NELL1: variants seen among roughly 807,000 people sequenced by gnomAD.
NELL1 encodes the protein protein kinase C-binding protein NELL1.
A neutral mutation model predicts 107.4 loss-of-function variants in NELL1; 76 were observed. The ratio of observed to expected loss-of-function variants is 0.71; its 90% CI spans 0.59 to 0.86. The LOEUF (loss-of-function observed/expected upper bound fraction) is 0.86. Ranked by LOEUF, NELL1 falls within the 40% of genes least tolerant of loss-of-function variation. The pLI is 0.00. For missense variants in NELL1, 1,024 were observed against 1,005.5 expected (o/e 1.02, Z -0.25); for synonymous variants, 353 against 341.2 (o/e 1.03, Z -0.38).
chr11:21,047,648 T>C (rs1853388744), intron 12 of NELL1, among the ~76,000 whole-genome samples: 5 of 152,224 alleles, frequency 3.3e-5, no homozygotes. Context: ...TGGAGCTATC[T>C]TTCTGATTCT....
Position 20,841,794 on chromosome 11 carries a change from G to A in NELL1, c.336-5789G>A, listed in dbSNP as rs536101994. Reference sequence around the variant, plus strand: ...CTTTTGAGGAATCCTAGGGCTTTGCGGATCAGATATAATTAGTTTATTTAA... The same window carrying A: ...CTTTTGAGGAATCCTAGGGCTTTGCAGATCAGATATAATTAGTTTATTTAA... On this transcript the variant is annotated intron_variant, in intron 3 of 19. Transcript: ENST00000357134. Among the ~76,000 whole-genome samples, 35 of 152,118 alleles carry A rather than the reference G, an allele frequency of 2.3e-4. No individual in the cohort carries two copies. In the South Asian group the frequency reaches 6.9e-3, roughly 30 times the overall value.
At chr11:21,491,610 A>ATAG (rs1854816818) in intron 15 of NELL1, among the ~76,000 whole-genome samples, 1 of 152,082 alleles carries the variant, frequency 6.6e-6, no homozygotes, top group Admixed American at 6.6e-5. Flanking sequence ...GCTTTGTAGT[A>ATAG]TAGTTTGAAG....
intron 14 of NELL1, among the ~76,000 whole-genome samples, chr11:21,350,016 A>C (rs1850769663): frequency 6.6e-6 from 1 of 152,276 alleles, no homozygotes; most frequent in South Asian, 2.1e-4. Context: ...AATTTTTAAA[A>C]ATCTGATAGA....
At chr11:21,246,266 G>C (rs541027565) in intron 14 of NELL1, among the ~76,000 whole-genome samples, 27 of 152,282 alleles carry the variant, frequency 1.8e-4, no homozygotes, top group Middle Eastern at 3.4e-3. Context: ...AAGGATGTCT[G>C]AGGCAATCAG....
Position 20,928,412 on chromosome 11 carries a change from C to G in NELL1, c.930C>G (p.Pro310=), listed in dbSNP as rs1850546640. ...TGGAATGCCGAAGGATGTCCTGTCCCCCTCTCAATTGCTCCCCAGACTCCC... is the reference window on the plus strand; with the variant it reads ...TGGAATGCCGAAGGATGTCCTGTCCGCCTCTCAATTGCTCCCCAGACTCCC... ...GAVECRRMSC[P]PLNCSPDSLP... is the part of the protein sequence containing the mutation. The change falls in exon 9 of 20, where the codon CCC becomes CCG. Residue 310 remains proline (P), a synonymous_variant. Coordinates refer to ENST00000357134, the MANE Select transcript of NELL1 (RefSeq NM_006157.5). The G allele has an allele frequency of 1.2e-6, 2 of 1,614,048 alleles. No homozygotes were observed. The highest frequency in any genetic ancestry group is 1.7e-6 in the Non-Finnish European group (2 of 1,179,968).
intron 3 of NELL1, among the ~76,000 whole-genome samples, chr11:20,828,842 G>C (rs1857941089): frequency 6.6e-6 from 1 of 152,160 alleles, no homozygotes; most frequent in African/African-American, 2.4e-5. Flanking sequence ...TGGGTGAATG[G>C]ATGGCTTCTG....
At chr11:21,259,901 A>T (rs1858862332) in intron 14 of NELL1, among the ~76,000 whole-genome samples, 1 of 151,926 alleles carries the variant, frequency 6.6e-6, no homozygotes, top group Non-Finnish European at 1.5e-5. Context: ...GAGTAGGGTC[A>T]TATGTGAGCA....
chr11:21,290,837 A>T (rs1039980992), intron 14 of NELL1, among the ~76,000 whole-genome samples: 3 of 152,208 alleles, frequency 2.0e-5, no homozygotes, highest in African/African-American at 7.2e-5. Flanking sequence ...CCATCCGAAG[A>T]TCACCAACAT....
At chr11:20,744,793 C>G (rs1274801768) in intron 2 of NELL1, among the ~76,000 whole-genome samples, 1 of 152,160 alleles carries the variant, frequency 6.6e-6, no homozygotes. Flanking sequence ...TATGTTCTGT[C>G]CACAGTGGGA....
intron 3 of NELL1, among the ~76,000 whole-genome samples, chr11:20,805,322 A>G (rs530502564): frequency 1.3e-5 from 2 of 151,842 alleles, no homozygotes; most frequent in Admixed American, 1.3e-4. Flanking sequence ...AGCATCATTA[A>G]CTGTGTTCCT....
At chr11:20,720,939 A>G (rs1009397036) in intron 2 of NELL1, among the ~76,000 whole-genome samples, 7 of 152,064 alleles carry the variant, frequency 4.6e-5, no homozygotes, top group African/African-American at 1.7e-4. Flanking sequence ...TTCAGTGCAT[A>G]ACACATCTTT....
At chr11:21,450,686 G>T (rs2133857262) in intron 15 of NELL1, among the ~76,000 whole-genome samples, 1 of 152,234 alleles carries the variant, frequency 6.6e-6, no homozygotes, top group East Asian at 1.9e-4. Context: ...GATGAATTTG[G>T]AAGAAAGCCG....
chr11:21,229,242 C>A, intron 13 of NELL1, 90 bp from the exon 14 acceptor site: 1 of 1,472,174 alleles, frequency 6.8e-7, no homozygotes. Flanking sequence ...CACTGTCATT[C>A]TTATTTGGTG....
intron 5 of NELL1, among the ~76,000 whole-genome samples, chr11:20,914,687 T>C (rs1850206826): frequency 6.6e-6 from 1 of 152,006 alleles, no homozygotes; most frequent in African/African-American, 2.4e-5. Flanking sequence ...ATTCAGATGG[T>C]TGGGGGCTTA....
rs79156945 is a variant in NELL1 at position 21,448,957 on chromosome 11, C to T, written c.1645+78009C>T. 7.8e-3 allele frequency among the ~76,000 whole-genome samples: 1,180 copies of T among 152,226 alleles called. 12 individuals carry two copies. Among genetic ancestry groups the T allele is most frequent in the Non-Finnish European group, 0.014 (934 of 67,994 alleles). On this transcript the variant is annotated intron_variant, in intron 15 of 19. Coordinates refer to ENST00000357134, the MANE Select transcript of NELL1 (RefSeq NM_006157.5). ...CTATATCAATTTGTCAAAATATTCACCTCTAAATAGACATTTGTTGTTTCC... is the reference window on the plus strand; with the variant it reads ...CTATATCAATTTGTCAAAATATTCATCTCTAAATAGACATTTGTTGTTTCC...
chr11:21,215,787 G>C (rs760575191), intron 13 of NELL1, among the ~76,000 whole-genome samples: 21 of 152,288 alleles, frequency 1.4e-4, no homozygotes, highest in African/African-American at 5.1e-4. Context: ...AAGTAGCAAA[G>C]CATTCAAGAG....
At chr11:21,057,646 AT>A (rs2134357216) in intron 12 of NELL1, among the ~76,000 whole-genome samples, 1 of 152,108 alleles carries the variant, frequency 6.6e-6, no homozygotes, top group African/African-American at 2.4e-5. Context: ...ATGAAAAGAA[AT>A]GAATATTTGG....
intron 14 of NELL1, among the ~76,000 whole-genome samples, chr11:21,361,856 T>A (rs565025039): frequency 3.7e-4 from 57 of 152,276 alleles, no homozygotes; most frequent in Non-Finnish European, 7.1e-4. Flanking sequence ...TCCTTTATGA[T>A]ATCTATTTAT....
At chr11:21,036,104 C>G (rs923144705) in intron 12 of NELL1, among the ~76,000 whole-genome samples, 10 of 152,024 alleles carry the variant, frequency 6.6e-5, no homozygotes, top group African/African-American at 2.4e-4. Flanking sequence ...GTCAAGCTGA[C>G]AGCCAAATCA....
Sources: allele counts gnomAD v4.1 joint callset (sites outside exome capture counted in the v4.1 genomes callset), GRCh38; gene constraint gnomAD v4.1.1; transcripts MANE v1.5; gene names NCBI Gene and HGNC (gene_info 2026-07-23, HGNC 2026-07-21).